Variants in CDC34 observed in about 807,000 individuals in gnomAD.
CDC34 encodes the protein cell division cycle 34, ubiquitin conjugating enzyme.
A neutral mutation model predicts 26.8 loss-of-function variants in CDC34; 18 were observed. The observed-to-expected ratio is 0.67, with a 90% CI of 0.47 to 1.00. CDC34 has a LOEUF of 1.00. Among genes scored for constraint, CDC34 ranks in the 50% least tolerant of loss-of-function variants. The pLI is 0.00. For synonymous variants in CDC34, 178 were observed against 147.5 expected (o/e 1.21, Z -1.50); for missense variants, 280 against 334.5 (o/e 0.84, Z 1.27).
chr19:537,439 G>A lies in CDC34; in HGVS notation c.497+292G>A, dbSNP rs1031251254. ...GCGATCTCGGCTCACTGCAAGCTCC[G>A]CCTCCCGGGTTCACGCCATTCTCCT... On this transcript the variant is annotated intron_variant, in intron 4 of 4. Coordinates refer to ENST00000215574, the MANE Select transcript of CDC34 (RefSeq NM_004359.2). 2.7e-5 allele frequency among the ~76,000 whole-genome samples: 4 copies of A among 150,154 alleles called. 1 individual carries two copies. The highest frequency in any genetic ancestry group is 7.2e-3 in the Middle Eastern group (2 of 276).
intron 1 of CDC34, 106 bp downstream of exon 1, chr19:532,214 C>T (rs1272317021): frequency 1.1e-6 from 1 of 905,808 alleles, no homozygotes; most frequent in Non-Finnish European, 1.6e-6. Context: ...GGGCGGGCCC[C>T]GAAGCCTCCT....
chr19:532,157 G>T, intron 1 of CDC34, 49 bp downstream of exon 1: 2 of 1,421,178 alleles, frequency 1.4e-6, no homozygotes, highest in Non-Finnish European at 1.8e-6. Flanking sequence ...GAGCGACCTC[G>T]GGCGCCGGGA....
At position 532,258 on chromosome 19, in the gene CDC34, C is replaced by T. The variant is rs909523164; in HGVS notation, c.177+150C>T. 3.4e-5 allele frequency: 19 copies of T among 555,482 alleles called. No homozygotes were observed. The Admixed American group carries it at 5.2e-4, about 15-fold the overall frequency. 34.4% of individuals were successfully genotyped at this position (555,482 alleles called of 1,614,324 possible). On this transcript the variant is annotated intron_variant, in intron 1 of 4. Coordinates refer to ENST00000215574, the MANE Select transcript of CDC34 (RefSeq NM_004359.2). ...CTCGTTTCCCTTCTATGGCCACGTT[C>T]CCCCACCCAGCTCTGCCCGGCCCCC...
chr19:532,247 A>ATGGCCACG (rs1416204272), intron 1 of CDC34, 139 bp downstream of exon 1: 1 of 585,630 alleles, frequency 1.7e-6, no homozygotes, highest in African/African-American at 2.0e-5. Context: ...TTTCCCTTCT[A>ATGGCCACG]TGGCCACGTT....
rs755579686 is a variant in CDC34 at position 536,251 on chromosome 19, C to T, written c.273C>T (p.Asp91=). 3.2e-5 allele frequency: 52 copies of T among 1,604,942 alleles called. No individual in the cohort carries two copies. The highest frequency in any genetic ancestry group is 1.7e-4 in the Middle Eastern group (1 of 6,040). The change falls in exon 3 of 5, where the codon GAC becomes GAT. Residue 91 remains aspartate, a synonymous_variant. Coordinates refer to ENST00000215574, the MANE Select transcript of CDC34 (RefSeq NM_004359.2). ...MWHPNIYETG[D]VCISILHPPV... is the part of the protein sequence containing the mutation. ...GTCTTCTTCTTGTGCAGACGGGGGA[C>T]GTGTGTATCTCCATCCTCCACCCGC...
chr19:537,265 G>A (rs1979799935), intron 4 of CDC34, 118 bp downstream of exon 4: 11 of 1,205,158 alleles, frequency 9.1e-6, no homozygotes, highest in Non-Finnish European at 9.4e-6. Context: ...GCTTCCTGGT[G>A]CCCATTTACA....
intron 1 of CDC34, among the ~76,000 whole-genome samples, chr19:532,696 G>C (rs960169659): frequency 1.3e-5 from 2 of 152,258 alleles, no homozygotes; most frequent in Non-Finnish European, 2.9e-5. Context: ...AGCCTTGGCA[G>C]CCAGGACCCG....
rs11557525 is a variant in CDC34, at chr19:537,034, C to T, written c.384C>T (p.Ile128=). The change falls in exon 4 of 5, where the codon ATC becomes ATT. Residue 128 remains isoleucine, a synonymous_variant. Coordinates refer to ENST00000215574, the MANE Select transcript of CDC34 (RefSeq NM_004359.2). ...QNVRTILLSV[I]SLLNEPNTFS... is the part of the protein sequence containing the mutation. ...ACAGGACCATTCTCCTGAGTGTGATCTCCCTCCTGAACGAGCCCAACACCT... is the reference window on the plus strand; with the variant it reads ...ACAGGACCATTCTCCTGAGTGTGATTTCCCTCCTGAACGAGCCCAACACCT... 4.3e-6 allele frequency: 7 copies of T among 1,613,810 alleles called. No individual in the cohort carries two copies. In the South Asian group the frequency reaches 7.7e-5, roughly 18 times the overall value.
intron 1 of CDC34, 24 bp downstream of exon 1, chr19:532,132 G>A: frequency 1.6e-5 from 23 of 1,476,446 alleles, no homozygotes; most frequent in Non-Finnish European, 2.0e-5. Flanking sequence ...CCCCCGCCCG[G>A]GTCCCGGAGC....
At chr19:538,401 C>G (rs1979859572) in intron 4 of CDC34, among the ~76,000 whole-genome samples, 1 of 152,212 alleles carries the variant, frequency 6.6e-6, no homozygotes, top group South Asian at 2.1e-4. Context: ...CCCCACAGCC[C>G]CTTCTCTTGG....
chr19:535,991 C>T (rs1448599363), intron 2 of CDC34, 68 bp downstream of exon 2: 3 of 1,450,010 alleles, frequency 2.1e-6, no homozygotes, highest in African/African-American at 1.4e-5. Flanking sequence ...AGCCTCACGT[C>T]CTCATCCTTC....
At chr19:535,969 C>T in intron 2 of CDC34, 46 bp downstream of exon 2, 1 of 1,558,386 alleles carries the variant, frequency 6.4e-7, no homozygotes. Flanking sequence ...CTCCGGGACC[C>T]AGGGTGCTGG....
chr19:535,983 C>T (rs1979720717), intron 2 of CDC34, 60 bp downstream of exon 2: 3 of 1,469,898 alleles, frequency 2.0e-6, no homozygotes, highest in Non-Finnish European at 1.9e-6. Context: ...GTGCTGGGAG[C>T]CTCACGTCCT....
At chr19:533,624 G>A (rs912484093) in intron 1 of CDC34, among the ~76,000 whole-genome samples, 1 of 152,258 alleles carries the variant, frequency 6.6e-6, no homozygotes, top group Admixed American at 6.5e-5. Context: ...CCTGTGAGGC[G>A]GCTGCTGTTC....
intron 3 of CDC34, 168 bp from the exon 4 acceptor site, chr19:536,845 G>A (rs1979777788): frequency 7.1e-6 from 5 of 705,874 alleles, no homozygotes; most frequent in Non-Finnish European, 1.2e-5. Context: ...ACTGATGCAG[G>A]TCCAGCCCCT....
chr19:540,033 G>A (rs185529285), intron 4 of CDC34, among the ~76,000 whole-genome samples: 61 of 116,022 alleles, frequency 5.3e-4, no homozygotes, highest in Admixed American at 1.2e-3. Context: ...GGAGGCCGGG[G>A]TGGCCAGGCC....
At chr19:541,190 A>C in intron 4 of CDC34, 149 bp from the exon 5 acceptor site, 1 of 1,026,224 alleles carries the variant, frequency 9.7e-7, no homozygotes, top group South Asian at 1.8e-5. Context: ...GGAGTTCCTC[A>C]CGCACAGGGC....
At chr19:536,018 G>C in intron 2 of CDC34, 95 bp downstream of exon 2, 1 of 1,289,600 alleles carries the variant, frequency 7.8e-7, no homozygotes, top group Non-Finnish European at 1.1e-6. Context: ...CCGGGGCGCT[G>C]GGAGCCTCAC....
At chr19:539,327 G>A (rs1979905760) in intron 4 of CDC34, among the ~76,000 whole-genome samples, 1 of 151,212 alleles carries the variant, frequency 6.6e-6, no homozygotes, top group Non-Finnish European at 1.5e-5. Flanking sequence ...CCTCTGCGGT[G>A]CCGTCCCCGG....
Sources: gnomAD v4.1 joint callset for allele counts (sites outside exome capture counted in the v4.1 genomes callset) on GRCh38, gnomAD v4.1.1 for gene constraint, MANE v1.5 for transcripts, NCBI Gene and HGNC (gene_info 2026-07-23, HGNC 2026-07-21) for gene names.